Variants in EXOC3L4 observed in about 807,000 individuals in gnomAD.
EXOC3L4 encodes the protein exocyst complex component 3-like protein 4.
Under a neutral mutation model 69.7 loss-of-function variants are expected in EXOC3L4, and 62 were observed. That is an observed-to-expected ratio of 0.89 (90% CI 0.72 to 1.10). EXOC3L4 has a LOEUF of 1.10. Among genes scored for constraint, EXOC3L4 ranks in the 50% least tolerant of loss-of-function variants. The pLI is 0.00. For missense variants in EXOC3L4, 1,087 were observed against 1,034.8 expected (o/e 1.05, Z -0.69); for synonymous variants, 502 against 464.2 (o/e 1.08, Z -1.05).
chr14:103,104,634 CAGGCACAGCGGGGCGGGCTGG>C (rs1332664386), intron 5 of EXOC3L4, 83 bp from the exon 6 acceptor site: 4 of 1,272,812 alleles, frequency 3.1e-6, no homozygotes, highest in South Asian at 1.6e-5. Flanking sequence ...CCAAGACTGA[CAGGCACAGCGGGGCGGGCTGG>C]AGGCGCAGCG....
In EXOC3L4 at chr14:103,105,086, G is replaced by A. The variant is rs747016106; in HGVS notation, c.1466+14G>A. On this transcript the variant is annotated intron_variant, in intron 7 of 11. Transcript: ENST00000688303. Reference sequence around the variant, plus strand: ...CGAGGAGCTCAGGTAGGGCTCGCCCGCTCCTGTGCGGGCGCAGCGTGGCCA... The same window carrying A: ...CGAGGAGCTCAGGTAGGGCTCGCCCACTCCTGTGCGGGCGCAGCGTGGCCA... 1.9e-6 allele frequency: 3 copies of A among 1,588,794 alleles called. No homozygotes were observed. Among genetic ancestry groups the A allele is most frequent in the Admixed American group, 3.6e-5 (2 of 56,276 alleles).
At chr14:103,107,403 T>A in intron 8 of EXOC3L4, 21 bp from the exon 9 acceptor site, 1 of 1,610,090 alleles carries the variant, frequency 6.2e-7, no homozygotes. Context: ...ATTTGCAGAC[T>A]CCCAGCCCCT....
Position 103,100,410 on chromosome 14 carries a change from C to T in EXOC3L4, c.191C>T (p.Ala64Val), listed in dbSNP as rs1472898541. ...GCCTTCTCCCGGGCCAGCCAGCGGG[C>T]TTTGACCCAGGTCTCCAAGGAAGAT... Reference protein sequence around the residue: ...RQAFSRASQRALTQVSKEDTG... With the variant: ...RQAFSRASQRVLTQVSKEDTG... The change falls in exon 2 of 12, where the codon GCT becomes GTT. Residue 64 changes from alanine to valine, a missense_variant. Transcript: ENST00000688303. 6.2e-7 allele frequency: 1 copy of T among 1,612,612 alleles called. No individual in the cohort carries two copies. Among genetic ancestry groups the T allele is most frequent in the Admixed American group, 1.7e-5 (1 of 59,898 alleles).
At chr14:103,103,488 A>G (rs1050007768) in intron 3 of EXOC3L4, 1 of 160,714 alleles carries the variant, frequency 6.2e-6, no homozygotes, top group African/African-American at 2.4e-5. Context: ...TGGGATGAGG[A>G]TGGATTGCCT....
intron 6 of EXOC3L4, 46 bp downstream of exon 6, chr14:103,104,884 C>T: frequency 6.5e-7 from 1 of 1,540,978 alleles, no homozygotes; most frequent in Non-Finnish European, 8.8e-7. Flanking sequence ...CGGGTGCGCT[C>T]TGCAGGTGGG....
chr14:103,110,365 C>A lies in EXOC3L4; in HGVS notation c.*142C>A. ...GGAATTTTTGTCGTCAGCAGCCAAG[C>A]GCAGCTGTCAGGCCAGAAGGAGCAG... On this transcript the variant is annotated 3_prime_UTR_variant, in exon 12 of 12. Transcript: ENST00000688303. 9.8e-7 allele frequency: 1 copy of A among 1,016,790 alleles called. No homozygotes were observed. Among genetic ancestry groups the A allele is most frequent in the Non-Finnish European group, 1.5e-6 (1 of 674,686 alleles). 63.0% of individuals were successfully genotyped at this position (1,016,790 alleles called of 1,614,324 possible). A position where few individuals can be genotyped will look rare whatever the true frequency, so the allele number is the denominator to read the frequency against.
In EXOC3L4 at chr14:103,100,372, C is replaced by A; in HGVS notation, c.153C>A (p.Gly51=). Residue 51 remains glycine (G), a synonymous_variant, in exon 2 of 12, where the codon GGC becomes GGA. Coordinates refer to ENST00000688303, the MANE Select transcript of EXOC3L4 (RefSeq NM_001077594.2). ...HRKDGTRLGL[G]SLRQAFSRAS... is the part of the protein sequence containing the mutation. ...AGGATGGCACAAGGCTGGGCCTGGGCTCCCTGAGGCAGGCCTTCTCCCGGG... is the reference window on the plus strand; with the variant it reads ...AGGATGGCACAAGGCTGGGCCTGGGATCCCTGAGGCAGGCCTTCTCCCGGG... The A allele has an allele frequency of 6.2e-7, 1 of 1,607,180 alleles. No homozygotes were observed.
intron 5 of EXOC3L4, 41 bp from the exon 6 acceptor site, chr14:103,104,697 G>T: frequency 7.0e-7 from 1 of 1,434,728 alleles, no homozygotes. Context: ...GCCTCAGGTC[G>T]GGGGCTGGGA....
Position 103,102,490 on chromosome 14 carries a change from G to T in EXOC3L4, c.767G>T (p.Arg256Leu). 4 of 1,385,646 alleles carry T rather than the reference G, an allele frequency of 2.9e-6. No individual in the cohort carries two copies. The highest frequency in any genetic ancestry group is 3.7e-6 in the Non-Finnish European group (4 of 1,077,334). 85.8% of individuals were successfully genotyped at this position (1,385,646 alleles called of 1,614,324 possible). ...EEAVRRSAQERVRRPGAGWAF... is the reference protein window; with the variant it reads ...EEAVRRSAQELVRRPGAGWAF... ...GCGGTGCGGCGAAGCGCTCAGGAGC[G>T]CGTGCGGCGGCCGGGCGCGGGGTGG... is the stretch of plus-strand genomic sequence containing the variant. Residue 256 changes from arginine to leucine, a missense_variant, in exon 3 of 12, where the codon CGC (arginine) becomes CTC (leucine). By Grantham distance (102) the Arg-to-Leu change is moderately radical. Transcript: ENST00000688303.
At chr14:103,095,805 C>A (rs866295526) in intron 1 of EXOC3L4, among the ~76,000 whole-genome samples, 1 of 152,114 alleles carries the variant, frequency 6.6e-6, no homozygotes, top group African/African-American at 2.4e-5. Flanking sequence ...TTTACTAAAC[C>A]CTTTTATTAG....
chr14:103,097,843 GGGT>G lies in EXOC3L4; in HGVS notation c.-16-2358_-16-2356del. Among the ~76,000 whole-genome samples the G allele has an allele frequency of 6.6e-6, 1 of 152,256 alleles. No individual in the cohort carries two copies. Among genetic ancestry groups the G allele is most frequent in the Non-Finnish European group, 1.5e-5 (1 of 68,016 alleles). On this transcript the variant is annotated intron_variant, in intron 1 of 11. Coordinates refer to ENST00000688303, the MANE Select transcript of EXOC3L4 (RefSeq NM_001077594.2). The surrounding 1 kb of genome is among the most constrained non-coding windows in gnomAD (Gnocchi z 4.9). Reference sequence around the variant, plus strand: ...CAGCCGGGAGGACAGAGAAGAAGCTGGGTGGGGTGCAGGTTGTCCGTGAACCCC... The same window carrying G: ...CAGCCGGGAGGACAGAGAAGAAGCTGGGGGTGCAGGTTGTCCGTGAACCCC...
At position 103,102,282 on chromosome 14, in the gene EXOC3L4, G is replaced by C. The variant is rs898131168; in HGVS notation, c.559G>C (p.Asp187His). 4.4e-6 allele frequency: 7 copies of C among 1,579,686 alleles called. No homozygotes were observed. Among genetic ancestry groups the C allele is most frequent in the Non-Finnish European group, 6.0e-6 (7 of 1,166,994 alleles). ...CGCTATGGACGTGTGCCTGCTTTACGACGGGCTGGCAGCCGAGATCGGCGC... is the reference window on the plus strand; with the variant it reads ...CGCTATGGACGTGTGCCTGCTTTACCACGGGCTGGCAGCCGAGATCGGCGC... Reference protein sequence around the residue: ...RRAMDVCLLYDGLAAEIGAIV... With the variant: ...RRAMDVCLLYHGLAAEIGAIV... Residue 187 changes from aspartate to histidine, a missense_variant, in exon 3 of 12, where the codon GAC (aspartate) becomes CAC (histidine). Asp to His is a moderately conservative substitution (Grantham distance 81). Coordinates refer to ENST00000688303, the MANE Select transcript of EXOC3L4 (RefSeq NM_001077594.2).
At chr14:103,108,350 C>CA in intron 10 of EXOC3L4, 46 bp from the exon 11 acceptor site, 2 of 1,601,030 alleles carry the variant, frequency 1.2e-6, no homozygotes, top group Non-Finnish European at 1.7e-6. Context: ...GTTGGAGCAG[C>CA]GGTGGGGAGA....
At chr14:103,103,269 C>T (rs1485160157) in intron 3 of EXOC3L4, among the ~76,000 whole-genome samples, 1 of 147,330 alleles carries the variant, frequency 6.8e-6, no homozygotes, top group Non-Finnish European at 1.5e-5. Context: ...GTAGGAGAAT[C>T]GCTTGAACCC....
chr14:103,103,800 GT>G, intron 3 of EXOC3L4, 140 bp from the exon 4 acceptor site: 4 of 463,626 alleles, frequency 8.6e-6, no homozygotes, highest in African/African-American at 2.7e-5. Flanking sequence ...GCGCGCGCGT[GT>G]GTGTGTGTGT....
chr14:103,103,252 G>A (rs1012524514), intron 3 of EXOC3L4, among the ~76,000 whole-genome samples: 22 of 151,578 alleles, frequency 1.5e-4, no homozygotes, highest in Admixed American at 8.5e-4. Flanking sequence ...CTATTCCGGA[G>A]GCTGAGGTAG....
rs1245193610 is a variant in EXOC3L4 at position 103,104,212 on chromosome 14, G to C, written c.1162-55G>C. 4 of 1,489,132 alleles carry C rather than the reference G, an allele frequency of 2.7e-6. No homozygotes were observed. In the South Asian group the frequency reaches 5.4e-5, roughly 20 times the overall value. 92.2% of individuals were successfully genotyped at this position (1,489,132 alleles called of 1,614,324 possible). On this transcript the variant is annotated intron_variant, in intron 4 of 11. Coordinates refer to ENST00000688303, the MANE Select transcript of EXOC3L4 (RefSeq NM_001077594.2). ...CGACAGGGCGGCCCTCATCCCGGAC[G>C]GCGCGGGACGGGGTCTGGGAGGGTC... is the stretch of plus-strand genomic sequence containing the variant.
In EXOC3L4 at chr14:103,104,796, C is replaced by T; in HGVS notation, c.1343C>T (p.Thr448Ile). 2.0e-6 allele frequency: 3 copies of T among 1,525,392 alleles called. No individual in the cohort carries two copies. Among genetic ancestry groups the T allele is most frequent in the Non-Finnish European group, 2.6e-6 (3 of 1,132,134 alleles). 94.5% of individuals were successfully genotyped at this position (1,525,392 alleles called of 1,614,324 possible). A position where few individuals can be genotyped will look rare whatever the true frequency, so the allele number is the denominator to read the frequency against. The change falls in exon 6 of 12, where the codon ACC becomes ATC. Residue 448 changes from threonine to isoleucine, a missense_variant. Thr to Ile is a moderately conservative substitution (Grantham distance 89, BLOSUM62 -1). Coordinates refer to ENST00000688303, the MANE Select transcript of EXOC3L4 (RefSeq NM_001077594.2). ...GAISAELEATTLRICTRALGL... is the reference protein window; with the variant it reads ...GAISAELEATILRICTRALGL... The stretch of plus-strand genomic sequence containing the variant: ...ATCTCCGCGGAGCTGGAGGCCACCA[C>T]CCTGCGAATCTGCACGCGGGCGCTC...
rs368151521 is a variant in EXOC3L4 at position 103,102,311 on chromosome 14, C to T, written c.588C>T (p.Ile196=). Residue 196 remains isoleucine (I), a synonymous_variant, in exon 3 of 12, where the codon ATC becomes ATT. Coordinates refer to ENST00000688303, the MANE Select transcript of EXOC3L4 (RefSeq NM_001077594.2). ...YDGLAAEIGA[I]VRETLDSDGV... ...GGCTGGCAGCCGAGATCGGCGCCATCGTGCGCGAGACGCTGGACAGCGACG... is the reference window on the plus strand; with the variant it reads ...GGCTGGCAGCCGAGATCGGCGCCATTGTGCGCGAGACGCTGGACAGCGACG... 1.9e-6 allele frequency: 3 copies of T among 1,568,266 alleles called. No homozygotes were observed. Among genetic ancestry groups the T allele is most frequent in the Admixed American group, 1.8e-5 (1 of 55,422 alleles).
Sources: gnomAD v4.1 joint callset for allele counts (sites outside exome capture counted in the v4.1 genomes callset) on GRCh38, gnomAD v4.1.1 for gene constraint, Gnocchi (gnomAD v3.1) non-coding constraint, MANE v1.5 for transcripts, NCBI Gene and HGNC (gene_info 2026-07-23, HGNC 2026-07-21) for gene names.